Variants in SLCO1B1 observed in about 807,000 individuals in gnomAD.
SLCO1B1 encodes OATP-2.
In SLCO1B1, 81 loss-of-function variants were observed where a neutral mutation model predicts 70.1. That is an observed-to-expected ratio of 1.16 (90% confidence interval 0.97 to 1.39). The LOEUF (loss-of-function observed/expected upper bound fraction) is 1.39. Among genes scored for constraint, SLCO1B1 ranks in the 40% most tolerant of loss-of-function variants. SLCO1B1 has a pLI of 0.00. For missense variants in SLCO1B1, 895 were observed against 799.6 expected (o/e 1.12, Z -1.44); for synonymous variants, 283 against 271.5 (o/e 1.04, Z -0.42).
At chr12:21,149,981 C>G (rs1462350283) in intron 2 of SLCO1B1, among the ~76,000 whole-genome samples, 1 of 152,142 alleles carries the variant, frequency 6.6e-6, no homozygotes, top group Non-Finnish European at 1.5e-5. Context: ...GCCGAGCAGT[C>G]TGAAGTCAAC....
chr12:21,161,185 C>A (rs1423969967), intron 2 of SLCO1B1, among the ~76,000 whole-genome samples: 2 of 152,172 alleles, frequency 1.3e-5, no homozygotes, highest in Non-Finnish European at 2.9e-5. Context: ...GAATATAAAT[C>A]ATTCTACTAT....
chr12:21,165,618 A>C (rs1940674659), intron 2 of SLCO1B1, among the ~76,000 whole-genome samples: 1 of 152,192 alleles, frequency 6.6e-6, no homozygotes, highest in Non-Finnish European at 1.5e-5. Context: ...TTCAAAATCC[A>C]ATGTGATAGT....
chr12:21,208,399 G>A (rs1941238889), intron 11 of SLCO1B1, among the ~76,000 whole-genome samples: 1 of 152,002 alleles, frequency 6.6e-6, no homozygotes, highest in South Asian at 2.1e-4. Flanking sequence ...TTTCCCCATT[G>A]CATTCTTTTT....
intron 3 of SLCO1B1, among the ~76,000 whole-genome samples, chr12:21,173,194 T>C (rs1301120011): frequency 6.6e-6 from 1 of 152,206 alleles, no homozygotes; most frequent in Non-Finnish European, 1.5e-5. Flanking sequence ...CAGAGCAACC[T>C]ACGTTAGACC....
At chr12:21,221,732 C>T (rs56071396) in intron 12 of SLCO1B1, among the ~76,000 whole-genome samples, 51,671 of 151,778 alleles carry the variant, frequency 0.34, 9,130 homozygotes, top group East Asian at 0.45. Flanking sequence ...CCAGTCAGAA[C>T]GGCCATTACT....
chr12:21,210,074 T>C (rs1941262848), intron 11 of SLCO1B1, among the ~76,000 whole-genome samples: 2 of 146,978 alleles, frequency 1.4e-5, no homozygotes, highest in Admixed American at 1.4e-4. Flanking sequence ...TTAGATCCCA[T>C]TTGTCAATTT....
chr12:21,200,076 C>T (rs1164733203), intron 8 of SLCO1B1, among the ~76,000 whole-genome samples: 1 of 152,138 alleles, frequency 6.6e-6, no homozygotes, highest in Non-Finnish European at 1.5e-5. Flanking sequence ...GCTAGGATTA[C>T]AGGAGTGAGC....
intron 2 of SLCO1B1, among the ~76,000 whole-genome samples, chr12:21,153,740 A>G (rs951878214): frequency 6.6e-6 from 1 of 152,028 alleles, no homozygotes. Context: ...TATATTTTGC[A>G]TCTACTAAGT....
intron 3 of SLCO1B1, 51 bp from the exon 4 acceptor site, chr12:21,174,526 A>G: frequency 1.3e-6 from 2 of 1,589,552 alleles, no homozygotes; most frequent in Non-Finnish European, 1.7e-6. Flanking sequence ...TTTCAATTCT[A>G]GACGCAAAAT....
intron 7 of SLCO1B1, among the ~76,000 whole-genome samples, chr12:21,179,778 C>T (rs1426209439): frequency 6.6e-6 from 1 of 152,072 alleles, no homozygotes; most frequent in Non-Finnish European, 1.5e-5. Flanking sequence ...TCTCCCTTCC[C>T]GCTTCTTTAT....
intron 2 of SLCO1B1, among the ~76,000 whole-genome samples, chr12:21,142,506 T>C (rs1940325298): frequency 6.6e-6 from 1 of 151,974 alleles, no homozygotes; most frequent in South Asian, 2.1e-4. Flanking sequence ...TTTTATTTAG[T>C]CAAATTTGTA....
intron 2 of SLCO1B1, among the ~76,000 whole-genome samples, chr12:21,154,663 G>C (rs1565667788): frequency 6.7e-6 from 1 of 150,312 alleles, no homozygotes; most frequent in African/African-American, 2.4e-5. Context: ...CCTGTTTTTA[G>C]TTTTTTTTTA....
intron 14 of SLCO1B1, among the ~76,000 whole-genome samples, chr12:21,226,960 A>T (rs1941489119): frequency 6.6e-6 from 1 of 152,186 alleles, no homozygotes; most frequent in Admixed American, 6.6e-5. Context: ...AGATGCTCAA[A>T]TTAATTGATA....
At chr12:21,186,064 G>A (rs1248600395) in intron 7 of SLCO1B1, among the ~76,000 whole-genome samples, 3 of 151,504 alleles carry the variant, frequency 2.0e-5, no homozygotes, top group African/African-American at 7.3e-5. Flanking sequence ...AAAACCTACT[G>A]ACCAAAAAAA....
chr12:21,178,737 A>G lies in SLCO1B1; in HGVS notation c.628+15A>G, dbSNP rs1030402065. On this transcript the variant is annotated intron_variant, in intron 6 of 14. Transcript: ENST00000256958. Reference sequence around the variant, plus strand: ...TTTGTATTTAGGTAATGTACACAAAATATTAAATTGTATGATCACTTTCCC... The same window carrying G: ...TTTGTATTTAGGTAATGTACACAAAGTATTAAATTGTATGATCACTTTCCC... 3.1e-6 allele frequency: 5 copies of G among 1,590,342 alleles called. No homozygotes were observed. The highest frequency in any genetic ancestry group is 4.5e-5 in the East Asian group (2 of 44,652).
In SLCO1B1 at chr12:21,228,972, T is replaced by C. The variant is rs1249472588; in HGVS notation, c.1865+4133T>C. On this transcript the variant is annotated intron_variant, in intron 14 of 14. Coordinates refer to ENST00000256958, the MANE Select transcript of SLCO1B1 (RefSeq NM_006446.5). ...ATCACTTTCCTTTTGGTCACTTGTG[T>C]TCTTTGCTTGATTGTGTAAAGTGGA... Among the ~76,000 whole-genome samples the C allele has an allele frequency of 2.0e-5, 3 of 151,966 alleles. No homozygotes were observed. The East Asian group carries it at 5.8e-4, about 29-fold the overall frequency.
At chr12:21,137,366 A>G (rs1344988946) in intron 1 of SLCO1B1, among the ~76,000 whole-genome samples, 1 of 152,232 alleles carries the variant, frequency 6.6e-6, no homozygotes, top group African/African-American at 2.4e-5. Context: ...GCTGTCAGAG[A>G]GGGACATTTA....
At chr12:21,140,697 T>G (rs914483944) in intron 1 of SLCO1B1, among the ~76,000 whole-genome samples, 1 of 151,998 alleles carries the variant, frequency 6.6e-6, no homozygotes, top group Non-Finnish European at 1.5e-5. Context: ...AGATTAAGTA[T>G]ATAGAGAAGA....
chr12:21,212,977 C>T (rs1000807251), intron 11 of SLCO1B1, among the ~76,000 whole-genome samples: 17 of 151,750 alleles, frequency 1.1e-4, no homozygotes, highest in Admixed American at 2.6e-4. Context: ...TGAGATGGGT[C>T]TCCTGAATAC....
Sources: gnomAD v4.1 joint callset for allele counts (sites outside exome capture counted in the v4.1 genomes callset) on GRCh38, gnomAD v4.1.1 for gene constraint, MANE v1.5 for transcripts, NCBI Gene and HGNC (gene_info 2026-07-23, HGNC 2026-07-21) for gene names.